LEKR1: variants seen among roughly 807,000 people sequenced by gnomAD.
LEKR1 encodes the protein leucine, glutamate and lysine rich 1.
LEKR1 carries 59 observed loss-of-function variants against 72.4 expected under a neutral mutation model. The observed-to-expected ratio is 0.82, with a 90% CI of 0.66 to 1.01. The LOEUF (loss-of-function observed/expected upper bound fraction) is 1.01, where lower values mean the gene tolerates loss of function less well. LEKR1 is among the 50% of genes least tolerant of loss of function. The pLI is 0.00. For missense variants in LEKR1, 728 were observed against 759.2 expected, an observed-to-expected ratio of 0.96 and a Z score of 0.48; for synonymous variants, 257 against 263.2, an observed-to-expected ratio of 0.98 and a Z score of 0.23.
intron 3 of LEKR1, among the ~76,000 whole-genome samples, chr3:156,891,858 T>C (rs1720697320): frequency 6.6e-6 from 1 of 152,108 alleles, no homozygotes; most frequent in South Asian, 2.1e-4. Context: ...TCCCAACAGA[T>C]GGCAGGGTTC....
At chr3:156,899,411 T>C (rs897682481) in intron 3 of LEKR1, among the ~76,000 whole-genome samples, 22 of 73,796 alleles carry the variant, frequency 3.0e-4, no homozygotes, top group Non-Finnish European at 1.7e-4. Flanking sequence ...CATATATACA[T>C]ATATACACAT....
At chr3:156,916,483 T>A (rs1179724430) in intron 3 of LEKR1, among the ~76,000 whole-genome samples, 1 of 152,150 alleles carries the variant, frequency 6.6e-6, no homozygotes, top group East Asian at 1.9e-4. Context: ...ACCTCCCTGG[T>A]TAACTGTTTT....
chr3:156,924,603 T>C lies in LEKR1; in HGVS notation c.384-2826T>C, dbSNP rs1011024839. On this transcript the variant is annotated intron_variant, in intron 4 of 12. Transcript: ENST00000356539. Reference sequence around the variant, plus strand: ...TAGTTTTAGCTCTTCTTTAGATCTATGATCTATTTCAGCTAACTTCTGTGT... The same window carrying C: ...TAGTTTTAGCTCTTCTTTAGATCTACGATCTATTTCAGCTAACTTCTGTGT... 1.5e-5 allele frequency: 9 copies of C among 597,794 alleles called. No individual in the cohort carries two copies. In the Middle Eastern group the frequency reaches 1.3e-3, roughly 85 times the overall value. The allele number at this position is 597,794 out of a possible 1,614,324, so 37.0% of individuals were successfully genotyped here.
intron 5 of LEKR1, among the ~76,000 whole-genome samples, chr3:156,928,319 C>T (rs1326668061): frequency 6.6e-6 from 1 of 151,936 alleles, no homozygotes; most frequent in East Asian, 1.9e-4. Context: ...AATGTTGATT[C>T]ATCAATTGTA....
At chr3:156,944,591 G>A (rs1452257001) in intron 6 of LEKR1, among the ~76,000 whole-genome samples, 1 of 151,424 alleles carries the variant, frequency 6.6e-6, no homozygotes, top group Non-Finnish European at 1.5e-5. Context: ...CCACACTCTG[G>A]TAACCACCAT....
At chr3:156,972,725 TTAAA>T (rs548379866) in intron 6 of LEKR1, among the ~76,000 whole-genome samples, 1,764 of 150,688 alleles carry the variant, frequency 0.012, 18 homozygotes, top group Non-Finnish European at 0.018. Context: ...ATAAAATAAT[TTAAA>T]TAAACTTAAT....
At chr3:156,884,760 C>T (rs1272938377) in intron 3 of LEKR1, among the ~76,000 whole-genome samples, 4 of 152,064 alleles carry the variant, frequency 2.6e-5, no homozygotes, top group South Asian at 4.1e-4. Context: ...TGTGCCTAGG[C>T]GATGATCTTT....
chr3:157,040,527 G>A (rs1183993205), intron 12 of LEKR1, among the ~76,000 whole-genome samples: 1 of 152,110 alleles, frequency 6.6e-6, no homozygotes, highest in African/African-American at 2.4e-5. Flanking sequence ...CAGTGTTTTG[G>A]ACTGATCAGA....
intron 9 of LEKR1, among the ~76,000 whole-genome samples, chr3:157,007,548 G>A (rs982882063): frequency 6.6e-6 from 1 of 152,252 alleles, no homozygotes; most frequent in Non-Finnish European, 1.5e-5. Context: ...CTCCCAGTGA[G>A]AGGACTGTGC....
intron 10 of LEKR1, among the ~76,000 whole-genome samples, chr3:157,017,057 A>G (rs1031053432): frequency 1.3e-5 from 2 of 152,238 alleles, no homozygotes; most frequent in African/African-American, 4.8e-5. Flanking sequence ...TTAAATGGAA[A>G]TGATCTAAAC....
intron 3 of LEKR1, among the ~76,000 whole-genome samples, chr3:156,904,003 A>G (rs1019889063): frequency 2.6e-5 from 4 of 152,240 alleles, no homozygotes; most frequent in Admixed American, 2.6e-4. Flanking sequence ...AATTCCCCAC[A>G]GAAAGGTAAT....
chr3:156,865,308 C>T (rs570013174), intron 3 of LEKR1, among the ~76,000 whole-genome samples: 1 of 152,004 alleles, frequency 6.6e-6, no homozygotes, highest in East Asian at 1.9e-4. Flanking sequence ...ATGCCCTTTG[C>T]CTCAGTTTTC....
At chr3:156,883,270 T>C (rs1576736102) in intron 3 of LEKR1, among the ~76,000 whole-genome samples, 1 of 152,192 alleles carries the variant, frequency 6.6e-6, no homozygotes, top group Non-Finnish European at 1.5e-5. Flanking sequence ...GGAATGGGTG[T>C]ATTTACCCAA....
Position 157,045,537 on chromosome 3 carries a change from T to C in LEKR1, c.1866T>C (p.Leu622=). 1 of 1,614,112 alleles carries C rather than the reference T, an allele frequency of 6.2e-7. No individual in the cohort carries two copies. The highest frequency in any genetic ancestry group is 8.5e-7 in the Non-Finnish European group (1 of 1,180,016). ...TCAGTAATCATGGAGAGAGAAGCCT[T>C]GCAAGACTGAACTCTGAAAAAGGAA... is the stretch of plus-strand genomic sequence containing the variant. ...AAVSNHGERS[L]ARLNSEKGIQ... is the part of the protein sequence containing the mutation. The change falls in exon 13 of 13, where the codon CTT becomes CTC. Residue 622 remains leucine (L), a synonymous_variant. Coordinates refer to ENST00000356539, the MANE Select transcript of LEKR1 (RefSeq NM_001004316.3).
At chr3:156,998,930 A>G (rs1323051157) in intron 9 of LEKR1, among the ~76,000 whole-genome samples, 1 of 152,054 alleles carries the variant, frequency 6.6e-6, no homozygotes, top group Non-Finnish European at 1.5e-5. Context: ...AGTTCCCATA[A>G]TCCCCACGTG....
chr3:156,959,095 G>C (rs1329815684), intron 6 of LEKR1, among the ~76,000 whole-genome samples: 2 of 152,030 alleles, frequency 1.3e-5, no homozygotes, highest in Non-Finnish European at 2.9e-5. Flanking sequence ...AGTCTTCTCA[G>C]ATATCATGTT....
At chr3:157,033,404 A>G (rs1478775887) in intron 12 of LEKR1, among the ~76,000 whole-genome samples, 1 of 152,234 alleles carries the variant, frequency 6.6e-6, no homozygotes, top group Non-Finnish European at 1.5e-5. Flanking sequence ...ATAAGAAAAT[A>G]AAACAGCCTT....
At chr3:156,949,254 G>T (rs1015610146) in intron 6 of LEKR1, among the ~76,000 whole-genome samples, 1 of 151,580 alleles carries the variant, frequency 6.6e-6, no homozygotes, top group Non-Finnish European at 1.5e-5. Flanking sequence ...GTCCAGAATG[G>T]TAATTCCCTA....
chr3:156,935,839 GTT>G (rs1447269494), intron 5 of LEKR1, among the ~76,000 whole-genome samples: 1 of 152,064 alleles, frequency 6.6e-6, no homozygotes, highest in Non-Finnish European at 1.5e-5. Context: ...AATTTTGTGT[GTT>G]CTGATATTTT....
Sources: allele counts gnomAD v4.1 joint callset (sites outside exome capture counted in the v4.1 genomes callset), GRCh38; gene constraint gnomAD v4.1.1; transcripts MANE v1.5; gene names NCBI Gene and HGNC (gene_info 2026-07-23, HGNC 2026-07-21).